Variants in CAST observed in about 807,000 individuals in gnomAD.
CAST encodes calpastatin.
In CAST, 76 loss-of-function variants were observed where a neutral mutation model predicts 119.6. The ratio of observed to expected loss-of-function variants is 0.64; its 90% CI spans 0.53 to 0.77. CAST has a LOEUF of 0.77. Among genes scored for constraint, CAST ranks in the 30% least tolerant of loss-of-function variants. The pLI is 0.00. For synonymous variants in CAST, 319 were observed against 331.6 expected (o/e 0.96, Z 0.41); for missense variants, 953 against 946.5 (o/e 1.01, Z -0.09).
intron 1 of CAST, among the ~76,000 whole-genome samples, chr5:96,590,841 G>A (rs1352481915): frequency 3.3e-5 from 5 of 152,060 alleles, no homozygotes; most frequent in African/African-American, 4.8e-5. Context: ...AAAATGATTC[G>A]TCAATTAAAA....
intron 1 of CAST, among the ~76,000 whole-genome samples, chr5:96,613,174 A>G (rs1398716158): frequency 3.3e-5 from 5 of 152,160 alleles, no homozygotes. Context: ...TTCTATTCCT[A>G]GCTGTTTTCT....
At chr5:96,227,389 G>T in the CAST span, among the ~76,000 whole-genome samples, 1 of 152,154 alleles carries the variant, frequency 6.6e-6, no homozygotes. Flanking sequence ...TAAACTCAGA[G>T]AGGTGCTGGG....
chr5:96,110,465 A>T, the CAST span, among the ~76,000 whole-genome samples: 2 of 152,216 alleles, frequency 1.3e-5, no homozygotes, highest in Admixed American at 6.5e-5. Flanking sequence ...GGCCATTCAG[A>T]AAAAGGCTCA....
At chr5:96,441,171 A>G in the CAST span, among the ~76,000 whole-genome samples, 1 of 152,242 alleles carries the variant, frequency 6.6e-6, no homozygotes, top group African/African-American at 2.4e-5. Flanking sequence ...CCCTAGTTAC[A>G]TAATAGTTTC....
the CAST span, among the ~76,000 whole-genome samples, chr5:96,303,543 G>A: frequency 2.0e-5 from 3 of 152,070 alleles, no homozygotes; most frequent in Non-Finnish European, 4.4e-5. Flanking sequence ...CACGTACCAT[G>A]GTGGTTTGCT....
At chr5:96,758,012 A>G (rs1376829912) in intron 24 of CAST, among the ~76,000 whole-genome samples, 1 of 152,132 alleles carries the variant, frequency 6.6e-6, no homozygotes, top group Non-Finnish European at 1.5e-5. Context: ...TTAGAGTGGC[A>G]GAAATAAATG....
At position 96,726,782 on chromosome 5, in the gene CAST, C is replaced by T. The variant is rs1759319509; in HGVS notation, c.271-12C>T. 6.3e-7 allele frequency: 1 copy of T among 1,598,964 alleles called. No homozygotes were observed. Among genetic ancestry groups the T allele is most frequent in the African/African-American group, 1.3e-5 (1 of 74,446 alleles). ...AAATAAAATTATACCTGGGGCTGTGCTCTTATATTAGGCCATTCCAGTCAG... is the reference window on the plus strand; with the variant it reads ...AAATAAAATTATACCTGGGGCTGTGTTCTTATATTAGGCCATTCCAGTCAG... On this transcript the variant is annotated splice_polypyrimidine_tract_variant and intron_variant, in intron 4 of 31. Coordinates refer to ENST00000675179, the MANE Select transcript of CAST (RefSeq NM_001750.7).
chr5:96,562,887 C>G lies in CAST; in HGVS notation c.60+33007C>G, dbSNP rs978120187. On this transcript the variant is annotated intron_variant, in intron 1 of 11. Coordinates refer to the CAST transcript ENST00000505143. The stretch of plus-strand genomic sequence containing the variant: ...ATATACTACCCCAAAATATTTTAAG[C>G]TGAAGGAATTTGAGAAAACAGCAGA... 7.2e-5 allele frequency among the ~76,000 whole-genome samples: 11 copies of G among 152,250 alleles called. No individual in the cohort carries two copies. The East Asian group carries it at 2.1e-3, about 29-fold the overall frequency.
chr5:96,154,143 T>C, the CAST span, among the ~76,000 whole-genome samples: 3 of 152,070 alleles, frequency 2.0e-5, no homozygotes, highest in East Asian at 5.8e-4. Flanking sequence ...CCGGGTGTGG[T>C]GGCGGGTGCC....
chr5:96,665,757 C>CAT (rs1749250462), intron 1 of CAST, among the ~76,000 whole-genome samples: 1 of 139,852 alleles, frequency 7.2e-6, no homozygotes, highest in Non-Finnish European at 1.7e-5. Flanking sequence ...CACACACACA[C>CAT]ACATATACAT....
chr5:96,102,576 G>A, the CAST span, among the ~76,000 whole-genome samples: 27 of 152,174 alleles, frequency 1.8e-4, no homozygotes, highest in African/African-American at 6.3e-4. Flanking sequence ...ATTTTGGCTC[G>A]AAGGTGGAGT....
the CAST span, among the ~76,000 whole-genome samples, chr5:96,013,425 T>C: frequency 6.6e-6 from 1 of 152,126 alleles, no homozygotes; most frequent in Non-Finnish European, 1.5e-5. Context: ...AAAGCTTCCT[T>C]ATTCCTTTTC....
At chr5:96,422,269 T>G in the CAST span, among the ~76,000 whole-genome samples, 1 of 152,098 alleles carries the variant, frequency 6.6e-6, no homozygotes, top group African/African-American at 2.4e-5. Context: ...ATCTCAGTTT[T>G]CAGATGAGAA....
the CAST span, among the ~76,000 whole-genome samples, chr5:96,438,774 A>G: frequency 6.6e-6 from 1 of 152,312 alleles, no homozygotes; most frequent in African/African-American, 2.4e-5. Flanking sequence ...TTGAAAAATA[A>G]TATTTCGGTG....
chr5:96,758,684 C>A (rs1247408365), intron 24 of CAST, among the ~76,000 whole-genome samples: 3 of 152,112 alleles, frequency 2.0e-5, no homozygotes, highest in Admixed American at 2.0e-4. Flanking sequence ...AGCAATAAAG[C>A]CCCTCAAAGA....
chr5:96,021,561 T>C, the CAST span, among the ~76,000 whole-genome samples: 1 of 152,244 alleles, frequency 6.6e-6, no homozygotes, highest in Middle Eastern at 3.4e-3. Flanking sequence ...TTCTCCTGCC[T>C]CAGCCTCCCA....
chr5:96,730,102 T>G (rs1185939615), intron 8 of CAST, among the ~76,000 whole-genome samples: 1 of 152,172 alleles, frequency 6.6e-6, no homozygotes, highest in Non-Finnish European at 1.5e-5. Flanking sequence ...AATTATCTGG[T>G]TCTTTAAATG....
chr5:96,429,419 G>T, the CAST span: 48 of 676,984 alleles, frequency 7.1e-5, 1 homozygote, highest in Admixed American at 1.1e-3. Context: ...CTTTTATTAA[G>T]CCCATTCCTG....
the CAST span, among the ~76,000 whole-genome samples, chr5:96,383,458 T>G: frequency 2.0e-5 from 3 of 152,218 alleles, no homozygotes; most frequent in Non-Finnish European, 1.5e-5. Flanking sequence ...TTGTTTTGTT[T>G]TGTTTTTGAG....
Sources: allele counts gnomAD v4.1 joint callset (sites outside exome capture counted in the v4.1 genomes callset), GRCh38; gene constraint gnomAD v4.1.1; transcripts MANE v1.5; gene names NCBI Gene and HGNC (gene_info 2026-07-23, HGNC 2026-07-21).